ADISSP: variants seen among roughly 807,000 people sequenced by gnomAD.
ADISSP encodes the protein adipose secreted signaling protein.
the ADISSP span, chr20:3,758,436 A>G: frequency 5.5e-6 from 6 of 1,082,248 alleles, no homozygotes; most frequent in East Asian, 2.4e-5. This position sits in a 1 kb window ranked among gnomAD's most constrained non-coding sequence, Gnocchi z 5.5. Flanking sequence ...AGGCACAGAC[A>G]TGCCTATAAG....
chr20:3,756,825 G>A, the ADISSP span, among the ~76,000 whole-genome samples: 1 of 152,174 alleles, frequency 6.6e-6, no homozygotes, highest in South Asian at 2.1e-4. Context: ...GGAACAGGGA[G>A]CCAGCTAAGT....
chr20:3,754,790 A>G, the ADISSP span, among the ~76,000 whole-genome samples: 1 of 152,220 alleles, frequency 6.6e-6, no homozygotes, highest in Non-Finnish European at 1.5e-5. Context: ...GTAGGGTCCA[A>G]TTCAGGCTTC....
chr20:3,754,642 G>A, the ADISSP span: 9 of 995,114 alleles, frequency 9.0e-6, no homozygotes, highest in Middle Eastern at 4.5e-4. Flanking sequence ...CCAAGAAAGG[G>A]GCAGGGATGG....
the ADISSP span, chr20:3,754,664 C>T: frequency 6.0e-5 from 48 of 795,600 alleles, no homozygotes; most frequent in African/African-American, 7.7e-4. Flanking sequence ...CCTTCTGGAG[C>T]CCAGAGACCC....
chr20:3,754,789 A>G, the ADISSP span, among the ~76,000 whole-genome samples: 38,761 of 152,190 alleles, frequency 0.25, 6,088 homozygotes, highest in Non-Finnish European at 0.36. Context: ...AGTAGGGTCC[A>G]ATTCAGGCTT....
At chr20:3,756,136 A>G in the ADISSP span, among the ~76,000 whole-genome samples, 1 of 152,214 alleles carries the variant, frequency 6.6e-6, no homozygotes, top group Non-Finnish European at 1.5e-5. Context: ...GCGTGGGATG[A>G]GGGATGGGAT....
the ADISSP span, chr20:3,758,448 C>T: frequency 3.1e-6 from 4 of 1,287,118 alleles, no homozygotes; most frequent in Admixed American, 7.2e-5. The surrounding 1 kb of genome is among the most constrained non-coding windows in gnomAD (Gnocchi z 5.5). Flanking sequence ...GCCTATAAGC[C>T]CGGCTGAGAG....
chr20:3,756,259 A>ATGCC, the ADISSP span, among the ~76,000 whole-genome samples: 6 of 152,206 alleles, frequency 3.9e-5, no homozygotes, highest in Admixed American at 1.3e-4. Context: ...TGGACTGGGG[A>ATGCC]TGCCTGCCTG....
At chr20:3,766,571 T>C in the ADISSP span, among the ~76,000 whole-genome samples, 1 of 152,148 alleles carries the variant, frequency 6.6e-6, no homozygotes, top group Non-Finnish European at 1.5e-5. Flanking sequence ...AGTGGGTGCT[T>C]AGCCTCCAGA....
At chr20:3,755,368 C>T in the ADISSP span, 2 of 1,153,534 alleles carry the variant, frequency 1.7e-6, no homozygotes, top group South Asian at 2.6e-5. Flanking sequence ...TGCCACATCC[C>T]CGACTTGCTG....
the ADISSP span, chr20:3,758,574 T>G: frequency 6.2e-7 from 1 of 1,613,874 alleles, no homozygotes; most frequent in Non-Finnish European, 8.5e-7. This position sits in a 1 kb window ranked among gnomAD's most constrained non-coding sequence, Gnocchi z 5.5. Context: ...TGGGTGACCA[T>G]GACCACCGAG....
At chr20:3,754,588 G>C in the ADISSP span, 10 of 1,538,948 alleles carry the variant, frequency 6.5e-6, no homozygotes, top group Non-Finnish European at 8.9e-6. Context: ...TGGCACTCAC[G>C]GGCCCCTACC....
the ADISSP span, chr20:3,755,481 G>A: frequency 1.4e-5 from 23 of 1,611,316 alleles, no homozygotes; most frequent in Non-Finnish European, 1.9e-5. Flanking sequence ...TCAGGGACGG[G>A]CACCACGCTG....
chr20:3,761,034 C>T, the ADISSP span, among the ~76,000 whole-genome samples: 1 of 152,208 alleles, frequency 6.6e-6, no homozygotes, highest in South Asian at 2.1e-4. Flanking sequence ...TCACCACTGA[C>T]GGTAGCAGTG....
the ADISSP span, chr20:3,753,984 C>T: frequency 2.5e-6 from 3 of 1,177,588 alleles, no homozygotes; most frequent in Non-Finnish European, 3.7e-6. Context: ...GGAAGCCACA[C>T]CATCACGCAG....
At chr20:3,754,268 G>T in the ADISSP span, 1 of 1,470,956 alleles carries the variant, frequency 6.8e-7, no homozygotes, top group Non-Finnish European at 9.4e-7. Context: ...GTAGGGACCT[G>T]CCAAGGAGGT....
the ADISSP span, among the ~76,000 whole-genome samples, chr20:3,762,107 A>G: frequency 1.3e-5 from 2 of 152,128 alleles, no homozygotes; most frequent in African/African-American, 4.8e-5. Context: ...CCCAGTCTCT[A>G]CCAAAAGTAC....
the ADISSP span, among the ~76,000 whole-genome samples, chr20:3,762,213 A>C: frequency 6.6e-6 from 1 of 151,990 alleles, no homozygotes; most frequent in Non-Finnish European, 1.5e-5. Context: ...CGGAGGTTGC[A>C]GTGAGCCAAG....
the ADISSP span, among the ~76,000 whole-genome samples, chr20:3,760,523 T>C: frequency 6.6e-6 from 1 of 152,150 alleles, no homozygotes; most frequent in African/African-American, 2.4e-5. Flanking sequence ...AGGAGGACTT[T>C]ATTGGTATTT....
Sources: allele counts gnomAD v4.1 joint callset (sites outside exome capture counted in the v4.1 genomes callset), GRCh38; gene constraint gnomAD v4.1.1; non-coding constraint Gnocchi (gnomAD v3.1); transcripts MANE v1.5; gene names NCBI Gene and HGNC (gene_info 2026-07-23, HGNC 2026-07-21).